Variants in NEGR1 observed in about 807,000 individuals in gnomAD.
The protein encoded by NEGR1 is neuronal growth regulator 1.
In NEGR1, 10 loss-of-function variants were observed where a neutral mutation model predicts 40.9. That is an observed-to-expected ratio of 0.24 (90% confidence interval 0.15 to 0.42). The LOEUF (loss-of-function observed/expected upper bound fraction) is 0.42, where lower values mean the gene tolerates loss of function less well. Among genes scored for constraint, NEGR1 ranks in the 10% least tolerant of loss-of-function variants. The pLI, the probability that NEGR1 is intolerant of heterozygous loss-of-function variation, is 1.00. For missense variants in NEGR1, 352 were observed against 438.9 expected, an observed-to-expected ratio of 0.80 and a Z score of 1.77; for synonymous variants, 185 against 166.8, an observed-to-expected ratio of 1.11 and a Z score of -0.84.
At chr1:71,956,107 T>C (rs1199985521) in intron 1 of NEGR1, among the ~76,000 whole-genome samples, 3 of 152,196 alleles carry the variant, frequency 2.0e-5, no homozygotes, top group African/African-American at 7.2e-5. Context: ...GGCAACCATA[T>C]GCTATTCCAA....
intron 1 of NEGR1, among the ~76,000 whole-genome samples, chr1:72,054,718 C>A (rs1057295633): frequency 6.6e-6 from 1 of 151,132 alleles, no homozygotes; most frequent in African/African-American, 2.4e-5. Context: ...TTCCATTTAT[C>A]TTATCTATAC....
At chr1:72,205,920 G>C (rs1391824362) in intron 1 of NEGR1, among the ~76,000 whole-genome samples, 24 of 149,528 alleles carry the variant, frequency 1.6e-4, no homozygotes, top group Non-Finnish European at 3.4e-4. Flanking sequence ...TTCAGCTTGG[G>C]CGAAAGAGCA....
intron 1 of NEGR1, among the ~76,000 whole-genome samples, chr1:72,034,430 G>C (rs890555941): frequency 5.3e-5 from 8 of 152,050 alleles, no homozygotes; most frequent in African/African-American, 1.7e-4. Context: ...TAATTAATTT[G>C]GTGTCTAACT....
At chr1:71,453,609 A>G (rs972426294) in intron 6 of NEGR1, among the ~76,000 whole-genome samples, 4 of 152,178 alleles carry the variant, frequency 2.6e-5, no homozygotes, top group African/African-American at 7.2e-5. Context: ...TAGAATTACA[A>G]TTTTTACCAG....
intron 4 of NEGR1, among the ~76,000 whole-genome samples, chr1:71,625,392 A>G (rs1433762051): frequency 6.6e-6 from 1 of 152,038 alleles, no homozygotes; most frequent in Non-Finnish European, 1.5e-5. Context: ...ACTAAAAAAT[A>G]ACAATACAAT....
chr1:71,730,005 T>C (rs1030103080), intron 3 of NEGR1, among the ~76,000 whole-genome samples: 10 of 152,000 alleles, frequency 6.6e-5, no homozygotes, highest in Admixed American at 5.2e-4. Context: ...TCAAAGTAAT[T>C]TCAAAGTGGA....
intron 6 of NEGR1, among the ~76,000 whole-genome samples, chr1:71,470,254 A>G (rs566475486): frequency 6.6e-6 from 1 of 151,762 alleles, no homozygotes; most frequent in African/African-American, 2.4e-5. Flanking sequence ...GAAGTTATTT[A>G]TTTTTTGCAT....
chr1:71,953,847 C>A (rs1646094320), intron 1 of NEGR1, among the ~76,000 whole-genome samples: 2 of 151,678 alleles, frequency 1.3e-5, no homozygotes, highest in South Asian at 4.2e-4. Flanking sequence ...AGACATAATG[C>A]TATTGCATAC....
At chr1:71,971,616 A>C (rs1481497037) in intron 1 of NEGR1, among the ~76,000 whole-genome samples, 1 of 152,226 alleles carries the variant, frequency 6.6e-6, no homozygotes, top group Admixed American at 6.5e-5. Context: ...TCAACAATTA[A>C]AAATATTTTG....
chr1:72,232,131 G>A (rs1385693192), intron 1 of NEGR1, among the ~76,000 whole-genome samples: 3 of 151,876 alleles, frequency 2.0e-5, no homozygotes, highest in East Asian at 1.9e-4. Context: ...TGAGGCGGGC[G>A]GATCACAAGG....
At chr1:72,069,398 T>A (rs1041008936) in intron 1 of NEGR1, among the ~76,000 whole-genome samples, 2 of 151,850 alleles carry the variant, frequency 1.3e-5, no homozygotes, top group African/African-American at 4.8e-5. Flanking sequence ...GTACCAGGAT[T>A]GGGCCACTGC....
At chr1:72,093,590 A>G (rs1432862299) in intron 1 of NEGR1, among the ~76,000 whole-genome samples, 2 of 152,194 alleles carry the variant, frequency 1.3e-5, no homozygotes, top group East Asian at 1.9e-4. Context: ...CTACATTTCC[A>G]TATCAAAACC....
intron 1 of NEGR1, among the ~76,000 whole-genome samples, chr1:72,066,768 G>A (rs532778056): frequency 2.4e-4 from 36 of 152,196 alleles, no homozygotes; most frequent in African/African-American, 7.7e-4. Flanking sequence ...CCAGAACTAC[G>A]AGAAAATAAA....
At chr1:72,181,458 G>T (rs1298207323) in intron 1 of NEGR1, among the ~76,000 whole-genome samples, 7 of 152,058 alleles carry the variant, frequency 4.6e-5, no homozygotes, top group Non-Finnish European at 1.0e-4. Context: ...TACTCTTGGG[G>T]TGGGAATGTA....
chr1:71,441,746 T>C (rs968003341), intron 6 of NEGR1, among the ~76,000 whole-genome samples: 4 of 152,224 alleles, frequency 2.6e-5, no homozygotes, highest in African/African-American at 7.2e-5. Flanking sequence ...CTTGGTTGTT[T>C]GGTAGATACT....
intron 2 of NEGR1, among the ~76,000 whole-genome samples, chr1:71,860,738 A>T (rs1241551123): frequency 6.6e-6 from 1 of 152,078 alleles, no homozygotes; most frequent in Non-Finnish European, 1.5e-5. Context: ...AGAGTTAAAA[A>T]GTCTTTGGAG....
At position 71,402,919 on chromosome 1, in the gene NEGR1, A is replaced by T. The variant is rs1259882792; in HGVS notation, c.*4527T>A. 1 of 152,114 alleles carries T rather than the reference A, an allele frequency of 6.6e-6. No individual in the cohort carries two copies. The highest frequency in any genetic ancestry group is 1.9e-4 in the East Asian group (1 of 5,194). 9.4% of individuals were successfully genotyped at this position (152,114 alleles called of 1,614,324 possible). On this transcript the variant is annotated 3_prime_UTR_variant, in exon 7 of 7. Coordinates refer to ENST00000357731, the MANE Select transcript of NEGR1 (RefSeq NM_173808.3). ...GCAAGATAGATAAGATAGATGTTGA[A>T]AAGGGAAGAAATAATGAAGCTGTGG...
intron 2 of NEGR1, among the ~76,000 whole-genome samples, chr1:71,856,698 T>C (rs887020302): frequency 6.6e-6 from 1 of 152,062 alleles, no homozygotes; most frequent in Admixed American, 6.6e-5. Flanking sequence ...ACATTTATTG[T>C]CTGTCATTAT....
chr1:72,083,894 A>AACCAAAGAGCATAGTC (rs1648104082), intron 1 of NEGR1, among the ~76,000 whole-genome samples: 1 of 152,104 alleles, frequency 6.6e-6, no homozygotes, highest in South Asian at 2.1e-4. Context: ...CACTGACTTC[A>AACCAAAGAGCATAGTC]TTATCAACCA....
Sources: gnomAD v4.1 joint callset for allele counts (sites outside exome capture counted in the v4.1 genomes callset) on GRCh38, gnomAD v4.1.1 for gene constraint, MANE v1.5 for transcripts, NCBI Gene and HGNC (gene_info 2026-07-23, HGNC 2026-07-21) for gene names.